Variants in RGS7 observed in about 807,000 individuals in gnomAD.
RGS7 encodes the protein regulator of G protein signaling 7, also known as regulator of G-protein signaling 7.
A neutral mutation model predicts 81.1 loss-of-function variants in RGS7; 27 were observed. The observed-to-expected ratio is 0.33, with a 90% CI of 0.25 to 0.46. The LOEUF is 0.46. RGS7 is among the 20% of genes least tolerant of loss of function. The probability of loss-of-function intolerance (pLI) is 1.00; values close to 1 mark genes in which losing one functional copy is unlikely to be tolerated. For synonymous variants in RGS7, 208 were observed against 207.7 expected, an observed-to-expected ratio of 1.00 and a Z score of -0.01; for missense variants, 396 against 607.4, an observed-to-expected ratio of 0.65 and a Z score of 3.66.
At chr1:240,955,597 T>C in intron 4 of RGS7, among the ~76,000 whole-genome samples, 1 of 142,136 alleles carries the variant, frequency 7.0e-6, no homozygotes, top group Admixed American at 6.9e-5. Context: ...ATTTGGAATA[T>C]CCACACTGAT....
At position 241,323,778 on chromosome 1, in the gene RGS7, T is replaced by G. The variant is rs116630133; in HGVS notation, c.78+31921A>C. 7.1e-3 allele frequency among the ~76,000 whole-genome samples: 1,088 copies of G among 152,272 alleles called. 10 individuals carry two copies. Among genetic ancestry groups the G allele is most frequent in the African/African-American group, 0.024 (1,005 of 41,550 alleles). On this transcript the variant is annotated intron_variant, in intron 2 of 18. Coordinates refer to ENST00000440928, the MANE Select transcript of RGS7 (RefSeq NM_001364886.1). ...CTGCAGACTCACATCTATCCTGAAA[T>G]GCAACCCAACTCCAATTCCACAGAG...
At chr1:240,790,238 C>T (rs1457380142) in intron 18 of RGS7, among the ~76,000 whole-genome samples, 1 of 151,396 alleles carries the variant, frequency 6.6e-6, no homozygotes, top group East Asian at 1.9e-4. Context: ...TCTCAAAAAA[C>T]AAAAACAAAA....
intron 2 of RGS7, among the ~76,000 whole-genome samples, chr1:241,176,606 G>A (rs2071164443): frequency 6.6e-6 from 1 of 152,172 alleles, no homozygotes. Flanking sequence ...CAGGAAAGAA[G>A]GCACTGGGGC....
At chr1:241,189,689 T>G (rs899861433) in intron 2 of RGS7, among the ~76,000 whole-genome samples, 15 of 152,354 alleles carry the variant, frequency 9.8e-5, no homozygotes, top group Admixed American at 4.6e-4. Context: ...TGAGTTAATA[T>G]ATTTAAAGTT....
intron 2 of RGS7, among the ~76,000 whole-genome samples, chr1:241,327,887 AG>A (rs1354139619): frequency 1.3e-5 from 2 of 152,184 alleles, no homozygotes; most frequent in Non-Finnish European, 2.9e-5. Flanking sequence ...TGATAGAAAA[AG>A]GCTTCTTAGA....
At chr1:240,819,485 A>G (rs1313932084) in intron 10 of RGS7, among the ~76,000 whole-genome samples, 3 of 152,254 alleles carry the variant, frequency 2.0e-5, no homozygotes, top group African/African-American at 7.2e-5. Context: ...TCATGCCTGT[A>G]ATCCCAGTAC....
intron 6 of RGS7, among the ~76,000 whole-genome samples, chr1:240,914,056 TC>T (rs1427941978): frequency 1.8e-4 from 21 of 113,900 alleles, no homozygotes; most frequent in African/African-American, 5.2e-4. Context: ...ATGCTATCCC[TC>T]CCCCCTCCCC....
intron 3 of RGS7, among the ~76,000 whole-genome samples, chr1:241,090,101 T>C (rs942152241): frequency 2.0e-5 from 3 of 152,148 alleles, no homozygotes; most frequent in African/African-American, 7.2e-5. Context: ...TGGATTTTAA[T>C]TGGACAGGTT....
At chr1:241,294,456 A>G (rs892269526) in intron 2 of RGS7, among the ~76,000 whole-genome samples, 1 of 152,232 alleles carries the variant, frequency 6.6e-6, no homozygotes, top group Non-Finnish European at 1.5e-5. Flanking sequence ...ACAATAAAAT[A>G]ATTTTAAAAA....
intron 18 of RGS7, among the ~76,000 whole-genome samples, chr1:240,788,962 ACCT>A (rs1685511629): frequency 6.6e-6 from 1 of 152,252 alleles, no homozygotes; most frequent in Non-Finnish European, 1.5e-5. Flanking sequence ...ACATGGTGAA[ACCT>A]CCTCTCTACT....
intron 9 of RGS7, among the ~76,000 whole-genome samples, chr1:240,831,538 G>A (rs575960754): frequency 1.6e-4 from 24 of 151,856 alleles, no homozygotes; most frequent in African/African-American, 4.6e-4. Flanking sequence ...CAATAAAAAC[G>A]ACAGACACAT....
chr1:240,877,864 G>T (rs915432105), intron 6 of RGS7, among the ~76,000 whole-genome samples: 2 of 152,180 alleles, frequency 1.3e-5, no homozygotes, highest in South Asian at 2.1e-4. Context: ...GTTTAGACAT[G>T]AGCATATATC....
At chr1:241,026,628 C>T (rs1271656574) in intron 3 of RGS7, among the ~76,000 whole-genome samples, 2 of 151,982 alleles carry the variant, frequency 1.3e-5, no homozygotes, top group African/African-American at 4.8e-5. Flanking sequence ...ATCTGCCAGG[C>T]ACTACACTGG....
At chr1:241,285,614 T>C (rs1038581264) in intron 2 of RGS7, among the ~76,000 whole-genome samples, 2 of 152,204 alleles carry the variant, frequency 1.3e-5, no homozygotes, top group Non-Finnish European at 2.9e-5. Flanking sequence ...GTTAAGTAGC[T>C]TGTCTATGGT....
chr1:241,195,353 G>GT (rs1450817391), intron 2 of RGS7, among the ~76,000 whole-genome samples: 1 of 152,080 alleles, frequency 6.6e-6, no homozygotes, highest in East Asian at 1.9e-4. Flanking sequence ...GCGGGCACCT[G>GT]TAATCCCAGC....
At chr1:241,312,004 T>G (rs955783651) in intron 2 of RGS7, among the ~76,000 whole-genome samples, 4 of 152,228 alleles carry the variant, frequency 2.6e-5, no homozygotes, top group Non-Finnish European at 5.9e-5. Context: ...AGACATGAAT[T>G]TCATCACACC....
At position 241,156,132 on chromosome 1, in the gene RGS7, T is replaced by TGATAGATAGATA. The variant is rs72097170; in HGVS notation, c.79-57382_79-57371dup. The stretch of plus-strand genomic sequence containing the variant: ...AGATAGAGGATAGAAAGATAAATGA[T>TGATAGATAGATA]GATAGATAGATAGATAGATAGATAG... On this transcript the variant is annotated intron_variant, in intron 2 of 18. Coordinates refer to ENST00000440928, the MANE Select transcript of RGS7 (RefSeq NM_001364886.1). Among the ~76,000 whole-genome samples the TGATAGATAGATA allele has an allele frequency of 3.1e-3, 459 of 147,016 alleles. 2 individuals are homozygous for TGATAGATAGATA. The highest frequency in any genetic ancestry group is 7.7e-3 in the African/African-American group (302 of 39,066).
intron 9 of RGS7, among the ~76,000 whole-genome samples, chr1:240,856,888 T>C (rs1661226493): frequency 6.6e-6 from 1 of 152,188 alleles, no homozygotes; most frequent in Admixed American, 6.5e-5. Flanking sequence ...TGCTTCTTTT[T>C]AAATCACATT....
chr1:241,326,509 TC>T (rs994328170), intron 2 of RGS7, among the ~76,000 whole-genome samples: 1 of 152,222 alleles, frequency 6.6e-6, no homozygotes, highest in Non-Finnish European at 1.5e-5. Flanking sequence ...TTCACCTTGT[TC>T]TTTAAAAACT....
Sources: gnomAD v4.1 joint callset for allele counts (sites outside exome capture counted in the v4.1 genomes callset) on GRCh38, gnomAD v4.1.1 for gene constraint, MANE v1.5 for transcripts, NCBI Gene and HGNC (gene_info 2026-07-23, HGNC 2026-07-21) for gene names.